OOSP3: variants seen among roughly 807,000 people sequenced by gnomAD.
The protein encoded by OOSP3 is oocyte secreted protein family member 3.
At position 59,886,025 on chromosome 11, in the gene OOSP3, T is replaced by C. The variant is rs2134527766; in HGVS notation, c.252+5586T>C. 1.3e-5 allele frequency among the ~76,000 whole-genome samples: 2 copies of C among 152,244 alleles called. 1 individual carries two copies. Reference sequence around the variant, plus strand: ...TATCCAGCCCAGCATGCATTAACTATTTTTCCTAATGCTCTACTCCCCCAC... The same window carrying C: ...TATCCAGCCCAGCATGCATTAACTACTTTTCCTAATGCTCTACTCCCCCAC... On this transcript the variant is annotated intron_variant, in intron 2 of 4. Coordinates refer to ENST00000646438, the Ensembl canonical transcript of OOSP3.
intron 1 of OOSP3, among the ~76,000 whole-genome samples, chr11:59,879,756 A>G (rs1191074487): frequency 6.6e-6 from 1 of 152,220 alleles, no homozygotes; most frequent in Non-Finnish European, 1.5e-5. Context: ...GAGCAGGTGC[A>G]GATCTTCATC....
At chr11:59,888,743 T>C (rs889797586) in intron 2 of OOSP3, among the ~76,000 whole-genome samples, 2 of 152,206 alleles carry the variant, frequency 1.3e-5, no homozygotes, top group African/African-American at 4.8e-5. Flanking sequence ...ATCAGGGATA[T>C]TGGCCTGAAG....
chr11:59,894,900 C>T (rs1853342328), intron 3 of OOSP3, among the ~76,000 whole-genome samples: 1 of 152,176 alleles, frequency 6.6e-6, no homozygotes, highest in Non-Finnish European at 1.5e-5. Context: ...GTTTTCAACT[C>T]TTTAAGATCA....
At chr11:59,896,338 G>A (rs947450509) in exon 5 of OOSP3, 3 of 394,528 alleles carry the variant, frequency 7.6e-6, no homozygotes, top group African/African-American at 6.2e-5. Flanking sequence ...GGTTGGGATA[G>A]AGCCCAGTGC....
intron 1 of OOSP3, among the ~76,000 whole-genome samples, chr11:59,879,491 A>G (rs1218059347): frequency 3.3e-5 from 5 of 152,100 alleles, no homozygotes; most frequent in Admixed American, 3.3e-4. Flanking sequence ...TATAAAATAC[A>G]TATAATTTTG....
intron 2 of OOSP3, among the ~76,000 whole-genome samples, chr11:59,888,171 A>C (rs1319475895): frequency 6.6e-6 from 1 of 152,168 alleles, no homozygotes; most frequent in Non-Finnish European, 1.5e-5. Flanking sequence ...GGTTTTCCTG[A>C]AGTTGTTTAT....
At chr11:59,880,435 A>C (rs1853188888) in exon 2 of OOSP3, 1 of 398,442 alleles carries the variant, frequency 2.5e-6, no homozygotes, top group African/African-American at 2.1e-5. Flanking sequence ...GGGATTCAGA[A>C]AGAGGTAAGA....
At chr11:59,888,793 A>G (rs1853284818) in intron 2 of OOSP3, among the ~76,000 whole-genome samples, 1 of 152,214 alleles carries the variant, frequency 6.6e-6, no homozygotes, top group Non-Finnish European at 1.5e-5. Context: ...GTTTGGTATC[A>G]GAATGATGCT....
intron 2 of OOSP3, among the ~76,000 whole-genome samples, chr11:59,882,333 G>A (rs950704281): frequency 6.6e-5 from 10 of 151,910 alleles, no homozygotes; most frequent in Admixed American, 2.0e-4. Flanking sequence ...AGACCCCTTC[G>A]AAATTACCTT....
rs1853325920 is a variant in OOSP3 at position 59,892,911 on chromosome 11, T to C, written c.253-1168T>C. On this transcript the variant is annotated intron_variant, in intron 2 of 4. Transcript: ENST00000646438. Reference sequence around the variant, plus strand: ...TCTTGAATAAATGCTCCTTGAATTGTTGCAAGACTGAGGATAATATTCAGA... The same window carrying C: ...TCTTGAATAAATGCTCCTTGAATTGCTGCAAGACTGAGGATAATATTCAGA... 2.6e-5 allele frequency among the ~76,000 whole-genome samples: 4 copies of C among 152,346 alleles called. No individual in the cohort carries two copies. In the South Asian group the frequency reaches 8.3e-4, roughly 32 times the overall value.
At chr11:59,892,003 C>G (rs958602196) in intron 2 of OOSP3, among the ~76,000 whole-genome samples, 13 of 152,190 alleles carry the variant, frequency 8.5e-5, no homozygotes, top group African/African-American at 3.1e-4. Flanking sequence ...AGTTTCCTTC[C>G]CACAGTAGTG....
intron 2 of OOSP3, among the ~76,000 whole-genome samples, chr11:59,884,372 A>G (rs939380633): frequency 6.6e-6 from 1 of 151,390 alleles, no homozygotes; most frequent in Admixed American, 6.6e-5. Context: ...AACATTAGTG[A>G]GCATGCTTAT....
At chr11:59,884,939 T>TC (rs1853238958) in intron 2 of OOSP3, among the ~76,000 whole-genome samples, 4 of 152,172 alleles carry the variant, frequency 2.6e-5, no homozygotes, top group Non-Finnish European at 5.9e-5. Context: ...GTGAACATCT[T>TC]TGTATTATTT....
chr11:59,890,351 A>G (rs1186278174), intron 2 of OOSP3, among the ~76,000 whole-genome samples: 3 of 152,066 alleles, frequency 2.0e-5, no homozygotes, highest in Admixed American at 2.0e-4. Context: ...CAGACTTGTT[A>G]ATGTAGTTGC....
chr11:59,891,982 T>C (rs73490959), intron 2 of OOSP3, among the ~76,000 whole-genome samples: 6,269 of 152,294 alleles, frequency 0.041, 413 homozygotes, highest in African/African-American at 0.14. Flanking sequence ...GCTACTTGGC[T>C]CCCTGGCTTC....
chr11:59,880,422 T>C (rs2134524043), exon 2 of OOSP3: 1 of 398,534 alleles, frequency 2.5e-6, no homozygotes, highest in Non-Finnish European at 4.4e-6. Context: ...TGCCACTCAG[T>C]GTGGGATTCA....
intron 2 of OOSP3, among the ~76,000 whole-genome samples, chr11:59,888,683 G>A (rs1853283586): frequency 6.6e-6 from 1 of 152,168 alleles, no homozygotes; most frequent in Non-Finnish European, 1.5e-5. Context: ...TTGATGTGTT[G>A]CTAGATTCAG....
intron 2 of OOSP3, among the ~76,000 whole-genome samples, chr11:59,884,031 C>T (rs923453297): frequency 1.3e-5 from 2 of 152,158 alleles, no homozygotes; most frequent in Non-Finnish European, 2.9e-5. Context: ...GATTCATATA[C>T]AGGTCTTTTT....
chr11:59,891,127 G>T (rs879881524), intron 2 of OOSP3, among the ~76,000 whole-genome samples: 5 of 152,086 alleles, frequency 3.3e-5, no homozygotes, highest in Admixed American at 6.6e-5. Context: ...GCTCCATCAG[G>T]TCATTATGTT....
Sources: allele counts gnomAD v4.1 joint callset (sites outside exome capture counted in the v4.1 genomes callset), GRCh38; gene constraint gnomAD v4.1.1; transcripts MANE v1.5; gene names NCBI Gene and HGNC (gene_info 2026-07-23, HGNC 2026-07-21).